The following FTO variants were observed in gnomAD, a reference collection of about 807,000 sequenced individuals.
The protein encoded by FTO is FTO alpha-ketoglutarate dependent dioxygenase.
In FTO, 47 loss-of-function variants were observed where a neutral mutation model predicts 63.9. That is an observed-to-expected ratio of 0.74 (90% CI 0.58 to 0.94). FTO has a LOEUF of 0.94. FTO is among the 40% of genes least tolerant of loss of function. FTO has a pLI of 0.00. For synonymous variants in FTO, 207 were observed against 224.4 expected, an observed-to-expected ratio of 0.92 and a Z score of 0.69; for missense variants, 562 against 618.1, an observed-to-expected ratio of 0.91 and a Z score of 0.96.
intron 5 of FTO, among the ~76,000 whole-genome samples, chr16:53,874,596 A>G (rs2080594057): frequency 6.6e-6 from 1 of 152,180 alleles, no homozygotes; most frequent in Non-Finnish European, 1.5e-5. Flanking sequence ...ATGGAACTAC[A>G]GGGGACAAGT....
intron 8 of FTO, among the ~76,000 whole-genome samples, chr16:54,095,745 C>T (rs1401673078): frequency 6.6e-6 from 1 of 152,090 alleles, no homozygotes; most frequent in African/African-American, 2.4e-5. Context: ...TTCTGCTGCC[C>T]CCCGCCTGGG....
chr16:53,801,909 G>A (rs767809705), intron 1 of FTO, among the ~76,000 whole-genome samples: 11 of 151,970 alleles, frequency 7.2e-5, no homozygotes, highest in South Asian at 6.2e-4. Flanking sequence ...ACAGGTGTGC[G>A]CCACCACACC....
intron 8 of FTO, among the ~76,000 whole-genome samples, chr16:53,936,463 C>T (rs1465535915): frequency 6.6e-6 from 1 of 152,238 alleles, no homozygotes; most frequent in Non-Finnish European, 1.5e-5. Flanking sequence ...GGTTACCATA[C>T]ACCTTTCTTT....
At chr16:53,872,571 C>G (rs1401038572) in intron 4 of FTO, among the ~76,000 whole-genome samples, 1 of 152,178 alleles carries the variant, frequency 6.6e-6, no homozygotes, top group Non-Finnish European at 1.5e-5. Flanking sequence ...GGGATTATAT[C>G]TTGCTGAAAC....
At chr16:53,985,639 A>T (rs1374777634) in intron 8 of FTO, among the ~76,000 whole-genome samples, 1 of 152,218 alleles carries the variant, frequency 6.6e-6, no homozygotes, top group Non-Finnish European at 1.5e-5. Flanking sequence ...TGGCATCGAG[A>T]AAATGAACGC....
At chr16:53,771,396 CCTT>C (rs2077335517) in intron 1 of FTO, among the ~76,000 whole-genome samples, 1 of 152,114 alleles carries the variant, frequency 6.6e-6, no homozygotes, top group African/African-American at 2.4e-5. Context: ...TACAACGTCT[CCTT>C]CTGCCATCCT....
At chr16:53,843,710 G>A (rs2079537564) in intron 3 of FTO, among the ~76,000 whole-genome samples, 1 of 151,992 alleles carries the variant, frequency 6.6e-6, no homozygotes, top group Admixed American at 6.5e-5. Context: ...TTTATATTAT[G>A]TCCAATTTCT....
At chr16:53,930,363 A>G (rs4548856) in intron 7 of FTO, among the ~76,000 whole-genome samples, 53,462 of 149,758 alleles carry the variant, frequency 0.36, 9,620 homozygotes, top group Middle Eastern at 0.4. Flanking sequence ...AGCTGGGACT[A>G]CGGGCACCTG....
intron 8 of FTO, among the ~76,000 whole-genome samples, chr16:54,096,098 A>G (rs747809362): frequency 2.0e-5 from 3 of 152,202 alleles, no homozygotes; most frequent in Non-Finnish European, 4.4e-5. Flanking sequence ...GGCACCTAGT[A>G]AATATTTGTT....
intron 1 of FTO, among the ~76,000 whole-genome samples, chr16:53,777,713 T>C (rs2077494235): frequency 1.3e-5 from 2 of 152,162 alleles, no homozygotes; most frequent in African/African-American, 4.8e-5. Context: ...AGCCCCAAGC[T>C]CAAGGTAGCA....
Position 53,897,952 on chromosome 16 carries a change from C to T in FTO, c.1239+9001C>T, listed in dbSNP as rs574183595. On this transcript the variant is annotated intron_variant, in intron 7 of 8. Coordinates refer to ENST00000471389, the MANE Select transcript of FTO (RefSeq NM_001080432.3). ...CTCTACTTTCAAAATATACTCATGA[C>T]CTGACTACCCTTCACTACCTCCTGT... is the stretch of plus-strand genomic sequence containing the variant. 2.6e-5 allele frequency among the ~76,000 whole-genome samples: 4 copies of T among 152,232 alleles called. No individual in the cohort carries two copies. The South Asian group carries it at 8.3e-4, about 32-fold the overall frequency.
At chr16:53,832,840 C>T (rs1359447601) in intron 3 of FTO, among the ~76,000 whole-genome samples, 1 of 152,106 alleles carries the variant, frequency 6.6e-6, no homozygotes, top group African/African-American at 2.4e-5. Flanking sequence ...CAATTACTCC[C>T]CATTTCTCCT....
chr16:54,048,169 G>A (rs1286206993), intron 8 of FTO, among the ~76,000 whole-genome samples: 1 of 134,670 alleles, frequency 7.4e-6, no homozygotes, highest in Non-Finnish European at 1.6e-5. Context: ...ACAAGACAAG[G>A]TCTAATAAAC....
intron 8 of FTO, among the ~76,000 whole-genome samples, chr16:54,075,589 C>T (rs563634376): frequency 1.7e-4 from 26 of 152,218 alleles, no homozygotes; most frequent in Admixed American, 3.9e-4. Flanking sequence ...AATGTCTGTG[C>T]CAGTAAATGG....
chr16:54,014,106 T>A (rs1341845201), intron 8 of FTO, among the ~76,000 whole-genome samples: 1 of 152,194 alleles, frequency 6.6e-6, no homozygotes, highest in African/African-American at 2.4e-5. Flanking sequence ...GCTAGTGATA[T>A]ATGCACTTTG....
chr16:53,739,972 C>T (rs1490510523), intron 1 of FTO, among the ~76,000 whole-genome samples: 1 of 152,106 alleles, frequency 6.6e-6, no homozygotes, highest in East Asian at 1.9e-4. Context: ...ATAGAAGTAC[C>T]ACGAGGCAAA....
chr16:53,867,523 G>T (rs2080356562), intron 4 of FTO, among the ~76,000 whole-genome samples: 3 of 151,458 alleles, frequency 2.0e-5, no homozygotes, highest in South Asian at 4.2e-4. Context: ...GTGTGTGTGT[G>T]TGTGTTTGTG....
At chr16:53,891,881 G>A (rs2081158684) in intron 7 of FTO, among the ~76,000 whole-genome samples, 2 of 152,252 alleles carry the variant, frequency 1.3e-5, no homozygotes, top group South Asian at 4.1e-4. Flanking sequence ...GAACTCTCTG[G>A]TGCTGGTTTC....
At chr16:53,717,667 TGG>T (rs528564451) in intron 1 of FTO, among the ~76,000 whole-genome samples, 190 of 152,246 alleles carry the variant, frequency 1.2e-3, no homozygotes, top group African/African-American at 4.4e-3. Context: ...TGCATTCTTC[TGG>T]TTATTAATAT....
Sources: allele counts gnomAD v4.1 joint callset (sites outside exome capture counted in the v4.1 genomes callset), GRCh38; gene constraint gnomAD v4.1.1; transcripts MANE v1.5; gene names NCBI Gene and HGNC (gene_info 2026-07-23, HGNC 2026-07-21).